PPP1R2: variants seen among roughly 807,000 people sequenced by gnomAD.
The protein encoded by PPP1R2 is protein phosphatase 1 regulatory inhibitor subunit 2, also known as protein phosphatase inhibitor 2.
A neutral mutation model predicts 29.9 loss-of-function variants in PPP1R2; 16 were observed. That is an observed-to-expected ratio of 0.53 (90% CI 0.36 to 0.81). The LOEUF is 0.81. PPP1R2 is among the 30% of genes least tolerant of loss of function. PPP1R2 has a pLI of 0.00. For synonymous variants in PPP1R2, 76 were observed against 91.5 expected, an observed-to-expected ratio of 0.83 and a Z score of 0.96; for missense variants, 197 against 252.7, an observed-to-expected ratio of 0.78 and a Z score of 1.49.
intron 1 of PPP1R2, among the ~76,000 whole-genome samples, chr3:195,536,453 C>G (rs1434808479): frequency 6.6e-6 from 1 of 151,988 alleles, no homozygotes; most frequent in East Asian, 1.9e-4. Context: ...TAAAAATAAA[C>G]ACATATTAAT....
Position 195,524,839 on chromosome 3 carries a change from C to T in PPP1R2, c.288G>A (p.Ala96=), listed in dbSNP as rs923437962. ...CSDTEATEAM[A]PDILARKLAA... Reference sequence around the variant, plus strand: ...CTTACTTCCTGGCTAAGATGTCTGGCGCCATGGCTTCAGTGGCCTCGGTGT... The same window carrying T: ...CTTACTTCCTGGCTAAGATGTCTGGTGCCATGGCTTCAGTGGCCTCGGTGT... The change falls in exon 3 of 6, where the codon GCG becomes GCA. Residue 96 remains alanine, a synonymous_variant. Coordinates refer to ENST00000618156, the MANE Select transcript of PPP1R2 (RefSeq NM_006241.8). The T allele has an allele frequency of 4.3e-6, 7 of 1,613,988 alleles. No homozygotes were observed. Among genetic ancestry groups the T allele is most frequent in the East Asian group, 4.5e-5 (2 of 44,892 alleles).
rs1185722038 is a variant in PPP1R2, at chr3:195,542,947, C to T, written c.79G>A (p.Ala27Thr). The T allele has an allele frequency of 8.1e-6, 13 of 1,603,734 alleles. No homozygotes were observed. The Admixed American group carries it at 8.5e-5, about 10-fold the overall frequency. Residue 27 changes from alanine to threonine, a missense_variant, in exon 1 of 6, where the codon GCG (alanine) becomes ACG (threonine). Physicochemically the swap from Ala to Thr is moderately conservative, Grantham distance 58. Around this residue, in one of 3 missense-constraint regions of PPP1R2, gnomAD observed 54 missense variants for 60.6 expected, o/e 0.89. Coordinates refer to ENST00000618156, the MANE Select transcript of PPP1R2 (RefSeq NM_006241.8). ...NKTSTTSSMVASAEQPRGNVD... is the reference protein window; with the variant it reads ...NKTSTTSSMVTSAEQPRGNVD... ...TTCCCGCGGGGCTGTTCGGCCGACG[C>T]CACCATAGAGGAAGTCGTAGAGGTC...
rs114453062 is a variant in PPP1R2 at position 195,528,128 on chromosome 3, T to C, written c.230+1666A>G. On this transcript the variant is annotated intron_variant, in intron 2 of 5. Coordinates refer to ENST00000618156, the MANE Select transcript of PPP1R2 (RefSeq NM_006241.8). ...AGTGTACACGGCACCCAATGTGTAG[T>C]CTTTTATCCCTCAACCCCCTCTCAC... Among the ~76,000 whole-genome samples, 1,008 of 152,172 alleles carry C rather than the reference T, an allele frequency of 6.6e-3. 10 individuals carry two copies. Among genetic ancestry groups the C allele is most frequent in the African/African-American group, 0.023 (944 of 41,512 alleles).
intron 4 of PPP1R2, among the ~76,000 whole-genome samples, chr3:195,522,867 T>C (rs969241439): frequency 1.1e-4 from 16 of 152,218 alleles, no homozygotes; most frequent in Admixed American, 9.8e-4. Flanking sequence ...ACACTTCAAG[T>C]AGGTTTCTAC....
intron 3 of PPP1R2, 106 bp downstream of exon 3, chr3:195,524,713 C>T (rs1718897994): frequency 3.9e-6 from 4 of 1,032,272 alleles, no homozygotes; most frequent in South Asian, 1.5e-5. Context: ...TGTTGATCAA[C>T]AGCCTTTTCT....
chr3:195,530,823 CAT>C (rs1719151756), intron 1 of PPP1R2, among the ~76,000 whole-genome samples: 1 of 149,334 alleles, frequency 6.7e-6, no homozygotes, highest in Admixed American at 6.7e-5. Flanking sequence ...CAGGCCGGGC[CAT>C]TATTTTTGTT....
intron 1 of PPP1R2, among the ~76,000 whole-genome samples, chr3:195,530,847 A>G (rs1719152969): frequency 7.2e-6 from 1 of 138,270 alleles, no homozygotes; most frequent in African/African-American, 2.8e-5. Context: ...TTTGAGACAG[A>G]GTTTTGCTCT....
rs556978694 is a variant in PPP1R2, at chr3:195,534,971, CACA to C, written c.123-5073_123-5071del. On this transcript the variant is annotated intron_variant, in intron 1 of 5. Transcript: ENST00000618156. Reference sequence around the variant, plus strand: ...TCAAGGTGGTTTACTCGTCCTCAAACACAACATCTCCAATTTAACCTCTAGATC... The same window carrying C: ...TCAAGGTGGTTTACTCGTCCTCAAACACATCTCCAATTTAACCTCTAGATC... 9.6e-3 allele frequency among the ~76,000 whole-genome samples: 1,462 copies of C among 152,328 alleles called. 26 individuals carry two copies. The highest frequency in any genetic ancestry group is 0.044 in the Middle Eastern group (13 of 294).
Position 195,524,881 on chromosome 3 carries a change from A to T in PPP1R2, c.246T>A (p.Asp82Glu), listed in dbSNP as rs753291906. ...STPYHSMMGD[D>E]EDACSDTEAT... ...CCTCGGTGTCACTACAGGCATCTTC[A>T]TCATCCCCCATCATACTAGTATGAC... Residue 82 changes from aspartate (D) to glutamate (E), a missense_variant, in exon 3 of 6, where the codon GAT (aspartate) becomes GAA (glutamate). By Grantham distance (45) the Asp-to-Glu change is conservative. Around this residue, in one of 3 missense-constraint regions of PPP1R2, gnomAD observed 135 missense variants for 163.0 expected, o/e 0.83. Coordinates refer to ENST00000618156, the MANE Select transcript of PPP1R2 (RefSeq NM_006241.8). 60 of 1,614,090 alleles carry T rather than the reference A, an allele frequency of 3.7e-5. No homozygotes were observed. Among genetic ancestry groups the T allele is most frequent in the Non-Finnish European group, 5.1e-5 (60 of 1,179,944 alleles).
intron 4 of PPP1R2, among the ~76,000 whole-genome samples, chr3:195,521,314 CAAAAAAAAA>C (rs869228346): frequency 3.5e-5 from 2 of 56,676 alleles, no homozygotes; most frequent in African/African-American, 1.4e-4. Flanking sequence ...GACTCTGTCT[CAAAAAAAAA>C]AAAAAAAAAA....
Position 195,519,172 on chromosome 3 carries a change from T to C in PPP1R2, c.417A>G (p.Gln139=). ...AGTGAAGCTTCCTTTTCATTTCAAA[T>C]TGTCGCTTTTTTTCTATAAGATGCA... ...LSPEEREKKR[Q]FEMKRKLHYN... The change falls in exon 5 of 6, where the codon CAA becomes CAG. Residue 139 remains glutamine (Q), a synonymous_variant. Coordinates refer to ENST00000618156, the MANE Select transcript of PPP1R2 (RefSeq NM_006241.8). 6.3e-7 allele frequency: 1 copy of C among 1,599,092 alleles called. No individual in the cohort carries two copies. The highest frequency in any genetic ancestry group is 8.5e-7 in the Non-Finnish European group (1 of 1,176,166).
At chr3:195,529,684 C>A in intron 2 of PPP1R2, 110 bp downstream of exon 2, 1 of 716,408 alleles carries the variant, frequency 1.4e-6, no homozygotes, top group Non-Finnish European at 2.2e-6. Flanking sequence ...ACTAGTGCTC[C>A]AGTAACAAAT....
chr3:195,521,081 C>T (rs1718739308), intron 4 of PPP1R2, among the ~76,000 whole-genome samples: 1 of 151,096 alleles, frequency 6.6e-6, no homozygotes, highest in Admixed American at 6.6e-5. Flanking sequence ...TTTGGGAGGC[C>T]GAGGAGGGCG....
intron 4 of PPP1R2, 172 bp from the exon 5 acceptor site, chr3:195,519,357 C>CTGT: frequency 2.1e-6 from 1 of 472,566 alleles, no homozygotes; most frequent in Non-Finnish European, 3.7e-6. Context: ...ACCACTGGGC[C>CTGT]CTGCAAAATT....
chr3:195,543,165 G>C lies in PPP1R2; in HGVS notation c.-140C>G, dbSNP rs1404723348. On this transcript the variant is annotated 5_prime_UTR_variant, in exon 1 of 6. Coordinates refer to ENST00000618156, the MANE Select transcript of PPP1R2 (RefSeq NM_006241.8). ...CGGCCGCAACTGCTGCCTCGGAAAC[G>C]GCTACCGCAGCGGTTGTCACGACAC... 3.4e-6 allele frequency: 4 copies of C among 1,174,746 alleles called. No homozygotes were observed. Among genetic ancestry groups the C allele is most frequent in the Admixed American group, 6.5e-5 (2 of 30,658 alleles). 72.8% of individuals were successfully genotyped at this position (1,174,746 alleles called of 1,614,324 possible).
At chr3:195,534,716 T>G (rs1281624794) in intron 1 of PPP1R2, among the ~76,000 whole-genome samples, 1 of 151,628 alleles carries the variant, frequency 6.6e-6, no homozygotes, top group Non-Finnish European at 1.5e-5. Flanking sequence ...AAAAGAGAGA[T>G]AGGGCATTAC....
intron 4 of PPP1R2, 29 bp downstream of exon 4, chr3:195,523,663 T>C (rs777616687): frequency 3.9e-5 from 61 of 1,557,632 alleles, no homozygotes; most frequent in Middle Eastern, 1.7e-4. Flanking sequence ...ACTAGCACCA[T>C]GATGAAAGCA....
intron 1 of PPP1R2, among the ~76,000 whole-genome samples, chr3:195,534,234 G>A (rs1024149606): frequency 3.9e-5 from 6 of 152,150 alleles, no homozygotes; most frequent in African/African-American, 1.4e-4. Flanking sequence ...TGAAGTGGGA[G>A]GATCACCTGA....
chr3:195,528,731 T>TTTTTTTTTTTTTTA (rs1719073298), intron 2 of PPP1R2: 1 of 143,208 alleles, frequency 7.0e-6, no homozygotes, highest in Admixed American at 7.0e-5. Flanking sequence ...TTTTTTTTTT[T>TTTTTTTTTTTTTTA]TGTAGAAAGA....
Sources: gnomAD v4.1 joint callset for allele counts (sites outside exome capture counted in the v4.1 genomes callset) on GRCh38, gnomAD v4.1.1 for gene constraint, gnomAD v4.1.1 regional missense constraint, MANE v1.5 for transcripts, NCBI Gene and HGNC (gene_info 2026-07-23, HGNC 2026-07-21) for gene names.